Variants in DNAH7 observed in about 807,000 individuals in gnomAD.
DNAH7 encodes the protein axonemal beta dynein heavy chain 7.
DNAH7 carries 397 observed loss-of-function variants against 444.6 expected under a neutral mutation model. That is an observed-to-expected ratio of 0.89 (90% confidence interval 0.82 to 0.97). The LOEUF (loss-of-function observed/expected upper bound fraction) is 0.97, where lower values mean the gene tolerates loss of function less well. Among genes scored for constraint, DNAH7 ranks in the 50% least tolerant of loss-of-function variants. The pLI, the probability that DNAH7 is intolerant of heterozygous loss-of-function variation, is 0.00. For synonymous variants in DNAH7, 1,636 were observed against 1,624.4 expected (o/e 1.01, Z -0.17); for missense variants, 4,902 against 4,800.8 (o/e 1.02, Z -0.62).
At chr2:195,776,105 C>T (rs1311005220) in intron 59 of DNAH7, 122 bp from the exon 60 acceptor site, 2 of 1,214,988 alleles carry the variant, frequency 1.6e-6, no homozygotes, top group African/African-American at 3.1e-5. Context: ...TGACACTGGA[C>T]ATTGAGTGCT....
At chr2:195,972,953 C>T (rs938287109) in intron 15 of DNAH7, among the ~76,000 whole-genome samples, 21 of 152,224 alleles carry the variant, frequency 1.4e-4, no homozygotes, top group Non-Finnish European at 2.8e-4. Flanking sequence ...ACAGAGACAA[C>T]TGCTACACAG....
intron 19 of DNAH7, among the ~76,000 whole-genome samples, chr2:195,942,616 CAT>C (rs760498470): frequency 6.6e-6 from 1 of 151,996 alleles, no homozygotes; most frequent in Non-Finnish European, 1.5e-5. Context: ...ATATGTCCCT[CAT>C]ATAGAAGTAT....
intron 5 of DNAH7, among the ~76,000 whole-genome samples, chr2:196,029,311 G>A (rs917572817): frequency 6.6e-6 from 1 of 151,928 alleles, no homozygotes; most frequent in Non-Finnish European, 1.5e-5. Context: ...CTACCTTGCT[G>A]AATTCTAAGA....
chr2:195,941,690 G>C (rs924356508), intron 19 of DNAH7, among the ~76,000 whole-genome samples: 15 of 151,982 alleles, frequency 9.9e-5, no homozygotes, highest in African/African-American at 3.6e-4. Flanking sequence ...AAAATCCCTG[G>C]ACAACAGAAA....
rs1559089746 is a variant in DNAH7, at chr2:195,778,644, ATATATATATAT to A, written c.10879-670_10879-660del. Reference sequence around the variant, plus strand: ...AAAAAAAAAAAAAATAAATAAATAAATATATATATATATATATATATATATACACACACACA... The same window carrying A: ...AAAAAAAAAAAAAATAAATAAATAAAATATATATATATATACACACACACA... On this transcript the variant is annotated intron_variant, in intron 58 of 64. Coordinates refer to ENST00000312428, the MANE Select transcript of DNAH7 (RefSeq NM_018897.3). Among the ~76,000 whole-genome samples, 20 of 39,080 alleles carry A rather than the reference ATATATATATAT, an allele frequency of 5.1e-4. 1 individual carries two copies. The highest frequency in any genetic ancestry group is 4.5e-3 in the East Asian group (5 of 1,110). 25.6% of individuals were successfully genotyped at this position (39,080 alleles called of 152,430 possible).
In DNAH7 at chr2:195,855,952, A is replaced by G. The variant is rs1699679344; in HGVS notation, c.8454T>C (p.Ala2818=). ...KIVAPKKIKL[A]AAEGELKIAM... ...CAATTTTAAGCTCCCCTTCAGCTGC[A>G]GCCAGTTTTATCTTTTTGGGAGCTA... Residue 2818 remains alanine (A), a synonymous_variant, in exon 45 of 65, where the codon GCT becomes GCC. Coordinates refer to ENST00000312428, the MANE Select transcript of DNAH7 (RefSeq NM_018897.3). 4 of 1,613,680 alleles carry G rather than the reference A, an allele frequency of 2.5e-6. No homozygotes were observed. The highest frequency in any genetic ancestry group is 2.2e-5 in the East Asian group (1 of 44,886).
chr2:195,799,378 C>T lies in DNAH7; in HGVS notation c.10271G>A (p.Ser3424Asn), dbSNP rs553099622. The T allele has an allele frequency of 5.6e-6, 9 of 1,612,818 alleles. No individual in the cohort carries two copies. The highest frequency in any genetic ancestry group is 5.3e-5 in the African/African-American group (4 of 74,874). The change falls in exon 55 of 65, where the codon AGT becomes AAT. Residue 3424 changes from serine to asparagine, a missense_variant. Ser to Asn is a conservative substitution (Grantham distance 46, BLOSUM62 1). Coordinates refer to ENST00000312428, the MANE Select transcript of DNAH7 (RefSeq NM_018897.3). ...PFDLAKAFGD[S>N]NCCAPLIFVL... ...GAAAATCAGTGGTGCACAGCAGTTA[C>T]TGTCTCCAAATGCCTTGGCTAAATC...
intron 10 of DNAH7, among the ~76,000 whole-genome samples, chr2:196,003,858 T>C (rs775066168): frequency 1.2e-4 from 18 of 152,184 alleles, no homozygotes; most frequent in Non-Finnish European, 1.9e-4. Context: ...CAAGTTTTCA[T>C]AGCACTCCCA....
intron 30 of DNAH7, chr2:195,894,055 AG>A (rs1702164197): frequency 2.0e-5 from 3 of 152,208 alleles, no homozygotes. Context: ...GAAACAAAAC[AG>A]CATGGAAGTG....
chr2:195,755,726 A>T (rs1268331794), intron 62 of DNAH7, among the ~76,000 whole-genome samples: 1 of 152,186 alleles, frequency 6.6e-6, no homozygotes, highest in Non-Finnish European at 1.5e-5. Flanking sequence ...GCTTCTGCCC[A>T]CTCAACATTT....
chr2:195,843,067 A>T (rs1251722646), intron 47 of DNAH7, among the ~76,000 whole-genome samples: 1 of 152,200 alleles, frequency 6.6e-6, no homozygotes. Flanking sequence ...CAAATATTTG[A>T]CTATTTTCAT....
chr2:195,751,240 A>T (rs1315560066), intron 63 of DNAH7, among the ~76,000 whole-genome samples: 2 of 152,232 alleles, frequency 1.3e-5, no homozygotes, highest in African/African-American at 2.4e-5. Context: ...CTAAGATATC[A>T]TATGTCCCAA....
chr2:195,916,685 C>T (rs1463337651), intron 24 of DNAH7, among the ~76,000 whole-genome samples: 1 of 152,086 alleles, frequency 6.6e-6, no homozygotes, highest in African/African-American at 2.4e-5. Context: ...TGCTGAAACC[C>T]CATCTCTACT....
In DNAH7 at chr2:195,891,734, T is replaced by C. The variant is rs1244821541; in HGVS notation, c.4967A>G (p.Tyr1656Cys). ...NPKSVTMGQL[Y>C]GQFDSVSHEW... is the part of the protein sequence containing the mutation. Reference sequence around the variant, plus strand: ...ATGGGACACTGAATCAAACTGTCCGTACAGTTGGCCCATGGTGACAGACTT... The same window carrying C: ...ATGGGACACTGAATCAAACTGTCCGCACAGTTGGCCCATGGTGACAGACTT... Residue 1656 changes from tyrosine (Y) to cysteine (C), a missense_variant, in exon 31 of 65, where the codon TAC (tyrosine) becomes TGC (cysteine). Tyr to Cys is a radical substitution (Grantham distance 194). Transcript: ENST00000312428. The C allele has an allele frequency of 2.5e-6, 4 of 1,610,148 alleles. No individual in the cohort carries two copies. The highest frequency in any genetic ancestry group is 3.4e-6 in the Non-Finnish European group (4 of 1,178,228).
chr2:195,972,602 G>C, intron 15 of DNAH7, 136 bp from the exon 16 acceptor site: 1 of 615,636 alleles, frequency 1.6e-6, no homozygotes, highest in South Asian at 2.3e-5. Context: ...AGGGACTACA[G>C]CATAGTTTCC....
At chr2:195,938,578 T>A (rs966289534) in intron 19 of DNAH7, among the ~76,000 whole-genome samples, 23 of 152,180 alleles carry the variant, frequency 1.5e-4, no homozygotes, top group African/African-American at 5.5e-4. Flanking sequence ...AAAAAATTAT[T>A]GCAATGTTTC....
At chr2:195,870,093 T>C (rs900918484) in intron 40 of DNAH7, among the ~76,000 whole-genome samples, 1 of 152,222 alleles carries the variant, frequency 6.6e-6, no homozygotes, top group Non-Finnish European at 1.5e-5. Flanking sequence ...GAACATGTCA[T>C]GTGTAGCAAG....
chr2:196,027,082 G>T, intron 6 of DNAH7, 142 bp from the exon 7 acceptor site: 1 of 589,526 alleles, frequency 1.7e-6, no homozygotes, highest in Non-Finnish European at 2.8e-6. Context: ...AATTCACATA[G>T]GTATTATTTG....
At position 195,737,827 on chromosome 2, in the gene DNAH7, T is replaced by G; in HGVS notation, c.*94A>C. On this transcript the variant is annotated 3_prime_UTR_variant, in exon 65 of 65. Coordinates refer to ENST00000312428, the MANE Select transcript of DNAH7 (RefSeq NM_018897.3). ...AATTATAACTTTAGTCAAATGTATT[T>G]AAACAAACAAAAAAAAAGGTTTAAG... 8.5e-7 allele frequency: 1 copy of G among 1,171,538 alleles called. No individual in the cohort carries two copies. The highest frequency in any genetic ancestry group is 1.2e-6 in the Non-Finnish European group (1 of 834,970). The allele number at this position is 1,171,538 out of a possible 1,614,324, so 72.6% of individuals were successfully genotyped here.
Sources: gnomAD v4.1 joint callset for allele counts (sites outside exome capture counted in the v4.1 genomes callset) on GRCh38, gnomAD v4.1.1 for gene constraint, MANE v1.5 for transcripts, NCBI Gene and HGNC (gene_info 2026-07-23, HGNC 2026-07-21) for gene names.